Variants in DENND1B observed in about 807,000 individuals in gnomAD.
DENND1B encodes DENN domain containing 1B.
In DENND1B, 59 loss-of-function variants were observed where a neutral mutation model predicts 90.1. That is an observed-to-expected ratio of 0.65 (90% confidence interval 0.53 to 0.81). The LOEUF (loss-of-function observed/expected upper bound fraction) is 0.81. Among genes scored for constraint, DENND1B ranks in the 40% least tolerant of loss-of-function variants. DENND1B has a pLI of 0.00. For missense variants in DENND1B, 862 were observed against 912.6 expected (o/e 0.94, Z 0.71); for synonymous variants, 337 against 324.6 (o/e 1.04, Z -0.41).
At chr1:197,672,203 T>G (rs551521148) in intron 4 of DENND1B, 47 bp from the exon 5 acceptor site, 9 of 1,541,566 alleles carry the variant, frequency 5.8e-6, no homozygotes, top group Non-Finnish European at 7.0e-6. Flanking sequence ...TTTGACAATT[T>G]TCTTCAAGAA....
At chr1:197,735,042 A>C in intron 2 of DENND1B, 1 of 985,294 alleles carries the variant, frequency 1.0e-6, no homozygotes, top group Non-Finnish European at 1.2e-6. Flanking sequence ...CTGTAGAAAA[A>C]GCGGACAAAA....
intron 3 of DENND1B, among the ~76,000 whole-genome samples, chr1:197,706,383 A>G (rs1313849742): frequency 6.6e-6 from 1 of 152,178 alleles, no homozygotes; most frequent in African/African-American, 2.4e-5. Flanking sequence ...AAGATTTCAT[A>G]AAGAAAACCT....
chr1:197,552,823 C>G, intron 16 of DENND1B, 199 bp downstream of exon 16: 4 of 1,329,852 alleles, frequency 3.0e-6, no homozygotes, highest in Non-Finnish European at 3.8e-6. Flanking sequence ...AGGAGGCCAA[C>G]TTAATGCCTT....
intron 11 of DENND1B, among the ~76,000 whole-genome samples, chr1:197,616,819 G>A (rs566438928): frequency 1.3e-5 from 2 of 151,208 alleles, no homozygotes; most frequent in Non-Finnish European, 3.0e-5. Context: ...TTCCTTCTAT[G>A]TGTGTGCACA....
intron 3 of DENND1B, among the ~76,000 whole-genome samples, chr1:197,713,748 TA>T (rs1195647689): frequency 0.042 from 3,165 of 74,784 alleles, 194 homozygotes; most frequent in African/African-American, 0.12. Flanking sequence ...AAAAAAAAAT[TA>T]AAAAAAAAAT....
chr1:197,701,996 A>C (rs1050072611), intron 3 of DENND1B, among the ~76,000 whole-genome samples: 2 of 152,188 alleles, frequency 1.3e-5, no homozygotes, highest in African/African-American at 4.8e-5. Context: ...GTATGTCTAT[A>C]TTTCATAAAG....
At position 197,518,294 on chromosome 1, in the gene DENND1B, T is replaced by C. The variant is rs151338455; in HGVS notation, c.1516-5341A>G. ...CTTCAACTATCTTGCCAGGATATAA[T>C]TGGACAAATTGTATAACCAACGCCT... On this transcript the variant is annotated intron_variant, in intron 20 of 22. Transcript: ENST00000620048. 1.4e-3 allele frequency among the ~76,000 whole-genome samples: 209 copies of C among 152,034 alleles called. 2 individuals are homozygous for C. Among genetic ancestry groups the C allele is most frequent in the African/African-American group, 4.7e-3 (194 of 41,518 alleles).
chr1:197,657,518 C>G (rs568304717), intron 6 of DENND1B, among the ~76,000 whole-genome samples: 32 of 152,114 alleles, frequency 2.1e-4, no homozygotes, highest in Non-Finnish European at 4.3e-4. Flanking sequence ...AAATTAAAAC[C>G]ACAACAATAC....
At chr1:197,672,181 C>T in intron 4 of DENND1B, 25 bp from the exon 5 acceptor site, 2 of 1,568,856 alleles carry the variant, frequency 1.3e-6, no homozygotes, top group African/African-American at 1.4e-5. Context: ...CATTAGGAAA[C>T]ATTGTGCCTT....
intron 3 of DENND1B, among the ~76,000 whole-genome samples, chr1:197,704,121 T>C (rs900836530): frequency 1.1e-4 from 17 of 152,054 alleles, no homozygotes; most frequent in Admixed American, 1.3e-4. Flanking sequence ...GGTACATGCC[T>C]GTAGTCCTAG....
chr1:197,625,246 G>A (rs1409633653), intron 10 of DENND1B, among the ~76,000 whole-genome samples: 3 of 152,180 alleles, frequency 2.0e-5, no homozygotes, highest in South Asian at 2.1e-4. Context: ...AGGAAAAAAT[G>A]TTAAGGGCAG....
chr1:197,529,203 GATATATATATATATATAT>G lies in DENND1B; in HGVS notation c.1515+10743_1515+10760del, dbSNP rs71131771. ...TTCCCGACATGAAATAGTTAAGAGTGATATATATATATATATATATATATATATATATATATATATGTG... is the reference window on the plus strand; with the variant it reads ...TTCCCGACATGAAATAGTTAAGAGTGATATATATATATATATATATATGTG... On this transcript the variant is annotated intron_variant, in intron 20 of 22. Coordinates refer to ENST00000620048, the MANE Select transcript of DENND1B (RefSeq NM_001195215.2). Among the ~76,000 whole-genome samples, 159 of 117,334 alleles carry G rather than the reference GATATATATATATATATAT, an allele frequency of 1.4e-3. 1 individual carries two copies. The highest frequency in any genetic ancestry group is 4.8e-3 in the African/African-American group (125 of 25,884). The allele number at this position is 117,334 out of a possible 152,430, so 77.0% of individuals were successfully genotyped here. A position where few individuals can be genotyped will look rare whatever the true frequency, so the allele number is the denominator to read the frequency against.
intron 2 of DENND1B, among the ~76,000 whole-genome samples, chr1:197,762,270 ATT>A (rs77728169): frequency 3.4e-5 from 5 of 145,160 alleles, no homozygotes; most frequent in African/African-American, 7.5e-5. Context: ...ATTAGTCAGC[ATT>A]TTTTTTTTTT....
intron 2 of DENND1B, chr1:197,734,854 G>A: frequency 1.0e-6 from 1 of 984,660 alleles, no homozygotes; most frequent in Non-Finnish European, 1.2e-6. Context: ...ATTCATAAGG[G>A]GGAAAATAAT....
chr1:197,776,730 G>T (rs1324900326), upstream of DENND1B, among the ~76,000 whole-genome samples: 1 of 152,052 alleles, frequency 6.6e-6, no homozygotes, highest in African/African-American at 2.4e-5. Context: ...TGCCAAAATT[G>T]GGTACTACTT....
Position 197,631,820 on chromosome 1 carries a change from T to C in DENND1B, c.672+10891A>G, listed in dbSNP as rs1169022754. On this transcript the variant is annotated intron_variant, in intron 10 of 22. Coordinates refer to ENST00000620048, the MANE Select transcript of DENND1B (RefSeq NM_001195215.2). ...AGCATGCATATCATATATATGTGAA[T>C]ATCTGTATGTATATGTGTGTATATG... 2.0e-5 allele frequency among the ~76,000 whole-genome samples: 3 copies of C among 152,246 alleles called. No homozygotes were observed. In the East Asian group the frequency reaches 5.8e-4, roughly 29 times the overall value.
At chr1:197,668,938 A>G (rs991981992) in intron 5 of DENND1B, among the ~76,000 whole-genome samples, 2 of 152,080 alleles carry the variant, frequency 1.3e-5, no homozygotes, top group African/African-American at 4.8e-5. Context: ...AATTCTGCTA[A>G]TCTTAATGGG....
At chr1:197,726,036 G>T (rs1661602163) in intron 2 of DENND1B, among the ~76,000 whole-genome samples, 1 of 150,694 alleles carries the variant, frequency 6.6e-6, no homozygotes, top group African/African-American at 2.4e-5. Context: ...ACACACATAT[G>T]GATATACACA....
intron 3 of DENND1B, among the ~76,000 whole-genome samples, chr1:197,678,650 T>G (rs1656333741): frequency 6.6e-6 from 1 of 152,188 alleles, no homozygotes; most frequent in South Asian, 2.1e-4. Context: ...GGAAACAAAG[T>G]TATATTAACA....
Sources: allele counts gnomAD v4.1 joint callset (sites outside exome capture counted in the v4.1 genomes callset), GRCh38; gene constraint gnomAD v4.1.1; transcripts MANE v1.5; gene names NCBI Gene and HGNC (gene_info 2026-07-23, HGNC 2026-07-21).